Variants in NTNG2 observed in about 807,000 individuals in gnomAD.
NTNG2 encodes netrin-G2.
NTNG2 carries 15 observed loss-of-function variants against 47.6 expected under a neutral mutation model. The observed-to-expected ratio is 0.32, with a 90% CI of 0.21 to 0.49. The LOEUF (loss-of-function observed/expected upper bound fraction) is 0.49. NTNG2 is among the 20% of genes least tolerant of loss of function. The probability of loss-of-function intolerance (pLI) is 0.99; values close to 1 mark genes in which losing one functional copy is unlikely to be tolerated. For missense variants in NTNG2, 578 were observed against 764.6 expected (o/e 0.76, Z 2.88); for synonymous variants, 307 against 324.6 (o/e 0.95, Z 0.58).
At chr9:132,168,972 G>A (rs1051509363) in intron 2 of NTNG2, among the ~76,000 whole-genome samples, 10 of 152,080 alleles carry the variant, frequency 6.6e-5, no homozygotes, top group African/African-American at 2.4e-4. Context: ...CCTCTGCCCT[G>A]CCCCCACCCT....
Position 132,236,682 on chromosome 9 carries a change from G to A in NTNG2, c.1055-2422G>A, listed in dbSNP as rs554363724. On this transcript the variant is annotated intron_variant, in intron 5 of 7. Transcript: ENST00000393229. This position sits in a 1 kb window ranked among gnomAD's most constrained non-coding sequence, Gnocchi z 4.3. The stretch of plus-strand genomic sequence containing the variant: ...CTGTGGTGATGGAGACAGAGCTGGC[G>A]GGAGCCATCGCTTCCCTACCCTGGG... Among the ~76,000 whole-genome samples the A allele has an allele frequency of 4.6e-5, 7 of 152,348 alleles. No homozygotes were observed. Among genetic ancestry groups the A allele is most frequent in the East Asian group, 1.9e-4 (1 of 5,188 alleles).
chr9:132,220,041 G>A (rs1840248455), intron 3 of NTNG2, among the ~76,000 whole-genome samples: 1 of 152,220 alleles, frequency 6.6e-6, no homozygotes, highest in African/African-American at 2.4e-5. Flanking sequence ...CCTGGTGAGT[G>A]TGAAGTGGTA....
At chr9:132,204,486 G>A (rs1050400444) in intron 3 of NTNG2, among the ~76,000 whole-genome samples, 1 of 152,168 alleles carries the variant, frequency 6.6e-6, no homozygotes, top group South Asian at 2.1e-4. Flanking sequence ...AGAGACAGGC[G>A]ATTTCAGCCA....
At chr9:132,199,158 G>A (rs1438819051) in intron 3 of NTNG2, among the ~76,000 whole-genome samples, 1 of 152,150 alleles carries the variant, frequency 6.6e-6, no homozygotes, top group African/African-American at 2.4e-5. Context: ...ATGTGTTGGA[G>A]GTGTGGAGGG....
chr9:132,176,583 G>A (rs904623417), intron 2 of NTNG2, among the ~76,000 whole-genome samples: 4 of 152,152 alleles, frequency 2.6e-5, no homozygotes, highest in African/African-American at 4.8e-5. Flanking sequence ...TTGTGTATCC[G>A]TTTCCTAACT....
chr9:132,168,074 G>A (rs372878595), intron 2 of NTNG2, among the ~76,000 whole-genome samples: 16 of 152,240 alleles, frequency 1.1e-4, no homozygotes, highest in African/African-American at 3.9e-4. Flanking sequence ...GATGTTAGCC[G>A]TTGTCATTCT....
rs1841946300 is a variant in NTNG2, at chr9:132,241,052, C to T, written c.1357+8C>T. ...GGCGCCAGGGCTGCTACCGTGAGTG[C>T]GCGCCGTCCCCCGTGGGCGGGGCCT... On this transcript the variant is annotated splice_region_variant and intron_variant, in intron 7 of 7. Coordinates refer to ENST00000393229, the MANE Select transcript of NTNG2 (RefSeq NM_032536.4). 6.3e-7 allele frequency: 1 copy of T among 1,591,244 alleles called. No homozygotes were observed.
intron 3 of NTNG2, among the ~76,000 whole-genome samples, chr9:132,214,379 C>G (rs1839822798): frequency 6.6e-6 from 1 of 152,224 alleles, no homozygotes; most frequent in South Asian, 2.1e-4. Context: ...ACGCTCCTGC[C>G]TGGCACGGGC....
chr9:132,204,983 G>A (rs1839059431), intron 3 of NTNG2, among the ~76,000 whole-genome samples: 1 of 152,208 alleles, frequency 6.6e-6, no homozygotes, highest in Admixed American at 6.5e-5. Flanking sequence ...ACAAGTGTTG[G>A]CAAGGATGTG....
At chr9:132,234,939 A>G (rs183029434) in intron 5 of NTNG2, among the ~76,000 whole-genome samples, 2 of 152,342 alleles carry the variant, frequency 1.3e-5, no homozygotes, top group East Asian at 3.9e-4. Context: ...AGAAGCGGAA[A>G]ACAGCAGCGC....
At chr9:132,222,613 C>T (rs943886511) in intron 3 of NTNG2, among the ~76,000 whole-genome samples, 1 of 152,266 alleles carries the variant, frequency 6.6e-6, no homozygotes, top group South Asian at 2.1e-4. Flanking sequence ...CAGAGACGTC[C>T]TTCGTCCTGG....
At chr9:132,192,372 C>T (rs1352953551) in intron 2 of NTNG2, among the ~76,000 whole-genome samples, 4 of 152,174 alleles carry the variant, frequency 2.6e-5, no homozygotes, top group African/African-American at 9.7e-5. Context: ...GGGCGGATCA[C>T]CTGAGGTCAG....
intron 3 of NTNG2, among the ~76,000 whole-genome samples, chr9:132,212,796 C>T (rs896259148): frequency 2.0e-5 from 3 of 152,314 alleles, no homozygotes; most frequent in East Asian, 1.9e-4. Context: ...TCCTCAAATC[C>T]GTGTGTCCCC....
chr9:132,165,609 A>C (rs1391729543), intron 1 of NTNG2, among the ~76,000 whole-genome samples: 1 of 152,216 alleles, frequency 6.6e-6, no homozygotes, highest in African/African-American at 2.4e-5. Context: ...GTTCATCTGT[A>C]CATATAGGTA....
At chr9:132,194,647 C>T (rs540605895) in intron 2 of NTNG2, among the ~76,000 whole-genome samples, 6 of 152,364 alleles carry the variant, frequency 3.9e-5, no homozygotes, top group Admixed American at 3.9e-4. Flanking sequence ...CTGGCCCGGG[C>T]CTCAGTCCCC....
intron 6 of NTNG2, among the ~76,000 whole-genome samples, chr9:132,240,239 T>G (rs1841892935): frequency 1.3e-5 from 2 of 152,172 alleles, no homozygotes; most frequent in Non-Finnish European, 2.9e-5. Context: ...CCATCAACTC[T>G]AAGTGATCAA....
chr9:132,213,331 C>CAAA (rs61393543), intron 3 of NTNG2, among the ~76,000 whole-genome samples: 94 of 104,340 alleles, frequency 9.0e-4, no homozygotes, highest in Non-Finnish European at 1.5e-3. Flanking sequence ...GACTCCATCT[C>CAAA]AAAAAAAAAA....
At chr9:132,171,882 C>T (rs544504866) in intron 2 of NTNG2, among the ~76,000 whole-genome samples, 2 of 152,384 alleles carry the variant, frequency 1.3e-5, no homozygotes, top group Admixed American at 1.3e-4. Context: ...AGCCTCCCTC[C>T]TCTCGCCGTC....
chr9:132,240,779 C>T, intron 6 of NTNG2, 131 bp from the exon 7 acceptor site: 1 of 1,402,236 alleles, frequency 7.1e-7, no homozygotes. Context: ...CGCGGGCTCA[C>T]GTGGACCCAG....
Sources: allele counts gnomAD v4.1 joint callset (sites outside exome capture counted in the v4.1 genomes callset), GRCh38; gene constraint gnomAD v4.1.1; non-coding constraint Gnocchi (gnomAD v3.1); transcripts MANE v1.5; gene names NCBI Gene and HGNC (gene_info 2026-07-23, HGNC 2026-07-21).